JARID2: variants seen among roughly 807,000 people sequenced by gnomAD.
JARID2 encodes protein Jumonji.
A neutral mutation model predicts 125.6 loss-of-function variants in JARID2; 21 were observed. The observed-to-expected ratio is 0.17, with a 90% CI of 0.12 to 0.24. The LOEUF is 0.24. JARID2 is among the 10% of genes least tolerant of loss of function. JARID2 has a pLI of 1.00. For synonymous variants in JARID2, 736 were observed against 661.6 expected (o/e 1.11, Z -1.73); for missense variants, 1,303 against 1,639.6 (o/e 0.79, Z 3.55).
At chr6:15,327,454 C>T (rs1160225859) in intron 1 of JARID2, among the ~76,000 whole-genome samples, 2 of 152,070 alleles carry the variant, frequency 1.3e-5, no homozygotes, top group African/African-American at 2.4e-5. Flanking sequence ...AGGGGGAGAT[C>T]TGATGATGGC....
intron 1 of JARID2, among the ~76,000 whole-genome samples, chr6:15,272,278 A>G (rs1468959222): frequency 1.3e-5 from 2 of 152,248 alleles, no homozygotes; most frequent in Non-Finnish European, 1.5e-5. Context: ...TGGAAGGAAG[A>G]CAGCTAGCTA....
intron 1 of JARID2, among the ~76,000 whole-genome samples, chr6:15,295,207 C>T (rs1206715848): frequency 2.0e-5 from 3 of 150,336 alleles, no homozygotes; most frequent in Admixed American, 1.3e-4. Flanking sequence ...CTGCAAGCTC[C>T]GCTTCCTGGG....
intron 3 of JARID2, among the ~76,000 whole-genome samples, chr6:15,439,989 T>C (rs924431873): frequency 3.3e-5 from 5 of 152,238 alleles, no homozygotes; most frequent in Non-Finnish European, 5.9e-5. Context: ...CAGAGTGTTG[T>C]TGGTTCCGTG....
Position 15,354,632 on chromosome 6 carries a change from C to G in JARID2, c.46-19485C>G, listed in dbSNP as rs1158640749. 2.6e-5 allele frequency among the ~76,000 whole-genome samples: 4 copies of G among 152,140 alleles called. No homozygotes were observed. In the Middle Eastern group the frequency reaches 0.014, roughly 517 times the overall value. ...GAAATGAGCATGTACTTAACATTCC[C>G]CAAGATCATAGAGCCAGTAAACAGC... On this transcript the variant is annotated intron_variant, in intron 1 of 17. Transcript: ENST00000341776.
intron 5 of JARID2, among the ~76,000 whole-genome samples, chr6:15,479,172 G>A (rs975613842): frequency 2.0e-5 from 3 of 152,062 alleles, no homozygotes; most frequent in South Asian, 2.1e-4. Flanking sequence ...TACCATTAAC[G>A]CAAACATTTT....
At chr6:15,299,883 C>G (rs1054509800) in intron 1 of JARID2, among the ~76,000 whole-genome samples, 2 of 152,156 alleles carry the variant, frequency 1.3e-5, no homozygotes, top group Non-Finnish European at 2.9e-5. Context: ...CATCCTTTCT[C>G]GTACTTTACC....
At chr6:15,420,142 C>T (rs984597955) in intron 3 of JARID2, among the ~76,000 whole-genome samples, 32 of 152,142 alleles carry the variant, frequency 2.1e-4, no homozygotes, top group Non-Finnish European at 1.9e-4. Context: ...CAGCTGGGCA[C>T]GCCTGTAATC....
chr6:15,400,974 G>A, intron 2 of JARID2: 1 of 1,289,448 alleles, frequency 7.8e-7, no homozygotes, highest in Non-Finnish European at 1.0e-6. Flanking sequence ...GGGTCTGTCA[G>A]GTGCAGTTTT....
chr6:15,440,595 T>C (rs1767403408), intron 3 of JARID2, among the ~76,000 whole-genome samples: 1 of 152,236 alleles, frequency 6.6e-6, no homozygotes, highest in Non-Finnish European at 1.5e-5. Flanking sequence ...CACCTTGCCC[T>C]GTTGCCCACT....
chr6:15,439,717 C>CT (rs1767365464), intron 3 of JARID2, among the ~76,000 whole-genome samples: 1 of 152,068 alleles, frequency 6.6e-6, no homozygotes, highest in Non-Finnish European at 1.5e-5. Context: ...TTTCCGGAAA[C>CT]TGAGTGGGGA....
At chr6:15,463,609 T>G (rs1445326198) in intron 4 of JARID2, among the ~76,000 whole-genome samples, 1 of 152,074 alleles carries the variant, frequency 6.6e-6, no homozygotes, top group Non-Finnish European at 1.5e-5. Context: ...TTTTATATTT[T>G]TTAGTAGAGA....
At chr6:15,413,180 C>T (rs368518783) in intron 3 of JARID2, among the ~76,000 whole-genome samples, 27 of 151,890 alleles carry the variant, frequency 1.8e-4, no homozygotes, top group Admixed American at 1.4e-3. Flanking sequence ...CCACTATGCC[C>T]GGCTAATTTT....
At chr6:15,367,785 A>G (rs981599945) in intron 1 of JARID2, among the ~76,000 whole-genome samples, 1 of 152,244 alleles carries the variant, frequency 6.6e-6, no homozygotes, top group Non-Finnish European at 1.5e-5. Context: ...TGCTGAGCTC[A>G]CTGCCCAACT....
intron 5 of JARID2, among the ~76,000 whole-genome samples, chr6:15,483,381 ACTGG>A (rs1439683839): frequency 2.8e-5 from 3 of 108,282 alleles, no homozygotes; most frequent in East Asian, 6.3e-4. Context: ...CTTAAGTGAA[ACTGG>A]CTGTTTTTTT....
intron 6 of JARID2, among the ~76,000 whole-genome samples, chr6:15,494,449 C>T (rs1770309985): frequency 9.7e-6 from 1 of 103,250 alleles, no homozygotes; most frequent in South Asian, 3.3e-4. Context: ...AAGAGTCTCG[C>T]CCAGGCTGGA....
intron 2 of JARID2, among the ~76,000 whole-genome samples, chr6:15,392,678 G>T (rs917225120): frequency 3.3e-5 from 4 of 121,292 alleles, no homozygotes; most frequent in African/African-American, 1.4e-4. Context: ...GTGATTAAGA[G>T]ACTTTTTTTT....
intron 1 of JARID2, among the ~76,000 whole-genome samples, chr6:15,279,662 A>G (rs1158611390): frequency 6.6e-6 from 1 of 152,178 alleles, no homozygotes; most frequent in Admixed American, 6.5e-5. Context: ...CATGTACACC[A>G]TTATTAATTT....
At position 15,500,837 on chromosome 6, in the gene JARID2, TTGAA is replaced by T. The variant is rs1770699837; in HGVS notation, c.1946-66_1946-63del. 4 of 1,360,278 alleles carry T rather than the reference TTGAA, an allele frequency of 2.9e-6. No individual in the cohort carries two copies. The African/African-American group carries it at 5.8e-5, about 20-fold the overall frequency. 84.3% of individuals were successfully genotyped at this position (1,360,278 alleles called of 1,614,324 possible). ...ATAGTAGGAGTTCAAGAAGTACAGG[TTGAA>T]TGAGGAACATCTTGTTCGTGTCTCT... On this transcript the variant is annotated intron_variant, in intron 7 of 17. Transcript: ENST00000341776.
Position 15,486,806 on chromosome 6 carries a change from C to CTTTTTTTTTTTTTTTTTTTT in JARID2, c.671-483_671-482insTTTTTTTTTTTTTTTTTTTT, listed in dbSNP as rs56268949. Among the ~76,000 whole-genome samples, 122 of 100,510 alleles carry CTTTTTTTTTTTTTTTTTTTT rather than the reference C, an allele frequency of 1.2e-3. 18 individuals are homozygous for CTTTTTTTTTTTTTTTTTTTT. The highest frequency in any genetic ancestry group is 5.5e-3 in the African/African-American group (114 of 20,910). 65.9% of individuals were successfully genotyped at this position (100,510 alleles called of 152,430 possible). On this transcript the variant is annotated intron_variant, in intron 5 of 17. Coordinates refer to ENST00000341776, the MANE Select transcript of JARID2 (RefSeq NM_004973.4). ...CATCTCTTTTAAATCTGAGAATAGA[C>CTTTTTTTTTTTTTTTTTTTT]TTTTTTTTTTTTTTTTTTGAGACAG...
Sources: gnomAD v4.1 joint callset for allele counts (sites outside exome capture counted in the v4.1 genomes callset) on GRCh38, gnomAD v4.1.1 for gene constraint, MANE v1.5 for transcripts, NCBI Gene and HGNC (gene_info 2026-07-23, HGNC 2026-07-21) for gene names.